The following ACSM2B variants were observed in gnomAD, a reference collection of about 807,000 sequenced individuals.
ACSM2B encodes the protein acyl-CoA synthetase medium chain family member 2B, also known as acyl-coenzyme A synthetase ACSM2B, mitochondrial.
In ACSM2B, 58 loss-of-function variants were observed where a neutral mutation model predicts 78.6. The observed-to-expected ratio is 0.74, with a 90% confidence interval of 0.60 to 0.92. ACSM2B has a LOEUF of 0.92. ACSM2B is among the 40% of genes least tolerant of loss of function. ACSM2B has a pLI of 0.00. For synonymous variants in ACSM2B, 257 were observed against 256.8 expected, an observed-to-expected ratio of 1.00 and a Z score of -0.01; for missense variants, 688 against 711.2, an observed-to-expected ratio of 0.97 and a Z score of 0.37.
intron 1 of ACSM2B, among the ~76,000 whole-genome samples, chr16:20,570,428 A>G (rs963315031): frequency 6.6e-6 from 1 of 152,044 alleles, no homozygotes; most frequent in African/African-American, 2.4e-5. Flanking sequence ...ATCATGGTGG[A>G]TTATCTTTTT....
chr16:20,550,603 A>G (rs939564261), intron 6 of ACSM2B, among the ~76,000 whole-genome samples: 1 of 152,162 alleles, frequency 6.6e-6, no homozygotes, highest in African/African-American at 2.4e-5. Context: ...ATAATTTCCT[A>G]TGAAAATCCA....
At chr16:20,538,949 C>A (rs1210436344) in intron 13 of ACSM2B, among the ~76,000 whole-genome samples, 1 of 152,102 alleles carries the variant, frequency 6.6e-6, no homozygotes, top group Non-Finnish European at 1.5e-5. Flanking sequence ...CACCAGACCC[C>A]TGTGGGGATT....
chr16:20,537,001 G>T lies in ACSM2B; in HGVS notation c.*257C>A. On this transcript the variant is annotated 3_prime_UTR_variant, in exon 14 of 14. Coordinates refer to ENST00000329697, the MANE Select transcript of ACSM2B (RefSeq NM_001105069.2). ...ATTTCTTTTTCAATTGCTTTCTCTT[G>T]CAGTTTTTAACATTTCCCTGACTTA... 1 of 350,150 alleles carries T rather than the reference G, an allele frequency of 2.9e-6. No homozygotes were observed. Among genetic ancestry groups the T allele is most frequent in the East Asian group, 4.6e-5 (1 of 21,852 alleles). The allele number at this position is 350,150 out of a possible 1,614,324, so 21.7% of individuals were successfully genotyped here.
In ACSM2B at chr16:20,555,264, C is replaced by T; in HGVS notation, c.596+5G>A. ...AAACCCAGGATGAGACATGTAGATA[C>T]TCACTTTAGTAGTTTCTTGAAGTTC... is the stretch of plus-strand genomic sequence containing the variant. On this transcript the variant is annotated splice_donor_5th_base_variant and intron_variant, in intron 4 of 13. Coordinates refer to ENST00000329697, the MANE Select transcript of ACSM2B (RefSeq NM_001105069.2). 1 of 1,613,924 alleles carries T rather than the reference C, an allele frequency of 6.2e-7. No individual in the cohort carries two copies. Among genetic ancestry groups the T allele is most frequent in the South Asian group, 1.1e-5 (1 of 91,070 alleles).
chr16:20,548,502 G>C, intron 6 of ACSM2B, 29 bp from the exon 7 acceptor site: 4 of 1,613,230 alleles, frequency 2.5e-6, no homozygotes, highest in East Asian at 4.5e-5. Context: ...GTGAGACATT[G>C]GTCACCAGGT....
At chr16:20,548,297 C>G (rs1197452043) in intron 7 of ACSM2B, 97 bp downstream of exon 7, 8 of 1,606,746 alleles carry the variant, frequency 5.0e-6, no homozygotes, top group Admixed American at 1.7e-5. Flanking sequence ...ATGGGGCTCT[C>G]TGTGTGCGAG....
At chr16:20,558,188 T>A (rs183218321) in intron 3 of ACSM2B, among the ~76,000 whole-genome samples, 13 of 152,240 alleles carry the variant, frequency 8.5e-5, no homozygotes, top group African/African-American at 3.1e-4. Context: ...AGACCTTGCA[T>A]TCTGATGGAC....
intron 10 of ACSM2B, among the ~76,000 whole-genome samples, chr16:20,543,945 T>C (rs1349145491): frequency 1.3e-5 from 2 of 152,110 alleles, no homozygotes; most frequent in Non-Finnish European, 1.5e-5. Flanking sequence ...CATCAAGAGT[T>C]TAGTCTGAAG....
At chr16:20,563,915 G>T (rs2015741208) in intron 2 of ACSM2B, among the ~76,000 whole-genome samples, 1 of 151,770 alleles carries the variant, frequency 6.6e-6, no homozygotes, top group South Asian at 2.1e-4. Context: ...GCAGTGAATG[G>T]ATTAAAATTC....
intron 3 of ACSM2B, among the ~76,000 whole-genome samples, chr16:20,555,735 C>CT (rs1310172292): frequency 1.3e-5 from 2 of 152,152 alleles, no homozygotes; most frequent in African/African-American, 4.8e-5. Context: ...TGTTGACAGT[C>CT]TAAGACACAT....
At chr16:20,540,571 G>C (rs1353872529) in intron 13 of ACSM2B, 83 bp downstream of exon 13, 12 of 1,573,996 alleles carry the variant, frequency 7.6e-6, no homozygotes, top group African/African-American at 1.4e-5. Flanking sequence ...TTAGAAGGCT[G>C]TCCTCCTCCT....
rs549716558 is a variant in ACSM2B, at chr16:20,545,737, A to G, written c.1180-479T>C. ...AGATACTAAGAAAGGGGCTTAGCAA[A>G]TGGTTATCATAGTGAATGGCATGGC... is the stretch of plus-strand genomic sequence containing the variant. On this transcript the variant is annotated intron_variant, in intron 9 of 13. Coordinates refer to ENST00000329697, the MANE Select transcript of ACSM2B (RefSeq NM_001105069.2). Among the ~76,000 whole-genome samples, 44 of 152,352 alleles carry G rather than the reference A, an allele frequency of 2.9e-4. 1 individual carries two copies. The highest frequency in any genetic ancestry group is 1.2e-3 in the South Asian group (6 of 4,830).
chr16:20,562,534 T>C (rs2015694506), intron 2 of ACSM2B, among the ~76,000 whole-genome samples: 1 of 152,182 alleles, frequency 6.6e-6, no homozygotes, highest in African/African-American at 2.4e-5. Context: ...CCAAGCTAAC[T>C]ATAGGAGGAA....
At chr16:20,542,869 T>A in intron 12 of ACSM2B, 45 bp downstream of exon 12, 1 of 1,609,776 alleles carries the variant, frequency 6.2e-7, no homozygotes, top group Non-Finnish European at 8.5e-7. Flanking sequence ...TACACTGCCC[T>A]TGTGTTCATA....
chr16:20,538,319 C>A (rs1375705142), intron 13 of ACSM2B, among the ~76,000 whole-genome samples: 1 of 152,176 alleles, frequency 6.6e-6, no homozygotes, highest in East Asian at 1.9e-4. Flanking sequence ...ATACAGCCCA[C>A]TTCCTGTTTC....
chr16:20,564,203 G>T (rs1156466389), intron 2 of ACSM2B, among the ~76,000 whole-genome samples: 1 of 152,008 alleles, frequency 6.6e-6, no homozygotes, highest in Non-Finnish European at 1.5e-5. Flanking sequence ...AAGCAATCTT[G>T]CCACCTCAAT....
chr16:20,547,337 C>T (rs1340433479), intron 8 of ACSM2B: 1 of 985,258 alleles, frequency 1.0e-6, no homozygotes, highest in Non-Finnish European at 1.2e-6. Flanking sequence ...CTTCCTGGCT[C>T]TTTCATACCA....
intron 9 of ACSM2B, 27 bp from the exon 10 acceptor site, chr16:20,545,285 T>A: frequency 6.2e-7 from 1 of 1,607,734 alleles, no homozygotes; most frequent in Non-Finnish European, 8.5e-7. Context: ...ATTGGAAGAA[T>A]GACGCACACA....
Position 20,540,711 on chromosome 16 carries a change from G to A in ACSM2B, c.1572C>T (p.Thr524=), listed in dbSNP as rs754539510. The change falls in exon 13 of 14, where the codon ACC becomes ACT. Residue 524 remains threonine, a synonymous_variant. Transcript: ENST00000329697. ...QFLSHDPEQL[T]KELQQHVKSV... Reference sequence around the variant, plus strand: ...ACTTCACATGCTGCTGCAGCTCCTTGGTGAGCTGTTCTGGGTCATGGGATA... The same window carrying A: ...ACTTCACATGCTGCTGCAGCTCCTTAGTGAGCTGTTCTGGGTCATGGGATA... 7 of 1,613,990 alleles carry A rather than the reference G, an allele frequency of 4.3e-6. 1 individual carries two copies. In the South Asian group the frequency reaches 7.7e-5, roughly 18 times the overall value.
Sources: gnomAD v4.1 joint callset for allele counts (sites outside exome capture counted in the v4.1 genomes callset) on GRCh38, gnomAD v4.1.1 for gene constraint, MANE v1.5 for transcripts, NCBI Gene and HGNC (gene_info 2026-07-23, HGNC 2026-07-21) for gene names.